Variants in EIF3A observed in about 807,000 individuals in gnomAD.
The protein encoded by EIF3A is EIF3, p180 subunit.
Under a neutral mutation model 186.6 loss-of-function variants are expected in EIF3A, and 21 were observed. The ratio of observed to expected loss-of-function variants is 0.11; its 90% confidence interval spans 0.08 to 0.16. The LOEUF is 0.16. Ranked by LOEUF, EIF3A falls within the 10% of genes least tolerant of loss-of-function variation. The pLI is 1.00. For missense variants in EIF3A, 1,306 were observed against 1,796.3 expected, an observed-to-expected ratio of 0.73 and a Z score of 4.93; for synonymous variants, 563 against 584.3, an observed-to-expected ratio of 0.96 and a Z score of 0.52.
intron 1 of EIF3A, among the ~76,000 whole-genome samples, chr10:119,075,956 G>A (rs1458437946): frequency 1.6e-5 from 2 of 125,214 alleles, no homozygotes; most frequent in Non-Finnish European, 1.6e-5. Context: ...TCAATCTCCT[G>A]ACCTCGTGAT....
At chr10:119,059,435 T>C (rs369647884) in intron 10 of EIF3A, 38 bp from the exon 11 acceptor site, 35 of 1,455,332 alleles carry the variant, frequency 2.4e-5, no homozygotes, top group South Asian at 2.1e-4. Context: ...AATCCACAAG[T>C]AAGCATGAAG....
intron 1 of EIF3A, among the ~76,000 whole-genome samples, chr10:119,079,587 G>A (rs7073301): frequency 0.91 from 136,145 of 149,120 alleles, 63,314 homozygotes; most frequent in South Asian, 1. Context: ...GGTTAGAGGG[G>A]AAAAAAAAAA....
In EIF3A at chr10:119,035,970, CAAGTATAAT is replaced by C; in HGVS notation, c.*60_*68del. 8.3e-7 allele frequency: 1 copy of C among 1,211,148 alleles called. No individual in the cohort carries two copies. The allele number at this position is 1,211,148 out of a possible 1,614,324, so 75.0% of individuals were successfully genotyped here. A position where few individuals can be genotyped will look rare whatever the true frequency, so the allele number is the denominator to read the frequency against. On this transcript the variant is annotated 3_prime_UTR_variant, in exon 22 of 22. Coordinates refer to ENST00000369144, the MANE Select transcript of EIF3A (RefSeq NM_003750.4). Reference sequence around the variant, plus strand: ...AATCCAATTTAGATTGGTTGAAGCACAAGTATAATAATCCTTGAATGTGATCAAACCTAT... The same window carrying C: ...AATCCAATTTAGATTGGTTGAAGCACAATCCTTGAATGTGATCAAACCTAT...
At chr10:119,046,941 G>T (rs1173420078) in intron 17 of EIF3A, among the ~76,000 whole-genome samples, 1 of 149,466 alleles carries the variant, frequency 6.7e-6, no homozygotes, top group Non-Finnish European at 1.5e-5. Flanking sequence ...CGGGCAAAAA[G>T]GGCAAAAAAA....
At chr10:119,062,691 C>A (rs765964296) in intron 7 of EIF3A, among the ~76,000 whole-genome samples, 1 of 150,976 alleles carries the variant, frequency 6.6e-6, no homozygotes, top group African/African-American at 2.4e-5. Context: ...AAATGTCTTT[C>A]GCTTCTGGGA....
intron 6 of EIF3A, 58 bp downstream of exon 6, chr10:119,069,388 A>G: frequency 1.1e-6 from 1 of 875,840 alleles, no homozygotes; most frequent in Non-Finnish European, 1.9e-6. Flanking sequence ...ATACCATGTC[A>G]TATAATAGAC....
intron 4 of EIF3A, among the ~76,000 whole-genome samples, chr10:119,072,566 C>A (rs1358333323): frequency 6.6e-6 from 1 of 152,166 alleles, no homozygotes; most frequent in East Asian, 1.9e-4. Context: ...GATCCTGCCA[C>A]CTCAGCCTCC....
chr10:119,068,618 C>T (rs1271130500), intron 6 of EIF3A, among the ~76,000 whole-genome samples: 4 of 151,594 alleles, frequency 2.6e-5, no homozygotes, highest in Non-Finnish European at 4.4e-5. Flanking sequence ...GGAGTGAGAT[C>T]GCATCATTGC....
chr10:119,070,842 C>G, intron 5 of EIF3A, 44 bp downstream of exon 5: 2 of 1,378,594 alleles, frequency 1.5e-6, no homozygotes, highest in Non-Finnish European at 2.1e-6. Flanking sequence ...AAAAGTAACA[C>G]AGACTATTAT....
At chr10:119,080,324 A>T in intron 1 of EIF3A, 1 of 985,420 alleles carries the variant, frequency 1.0e-6, no homozygotes, top group Non-Finnish European at 1.2e-6. Flanking sequence ...GGCAGCAAGG[A>T]GGGAGCTCCA....
At position 119,055,444 on chromosome 10, in the gene EIF3A, G is replaced by C. The variant is rs1848411883; in HGVS notation, c.2196+1296C>G. ...ATAATGAAAAAGTATTAAATACTTTGAGAATTACCAAAATGTGACAGAGAC... is the reference window on the plus strand; with the variant it reads ...ATAATGAAAAAGTATTAAATACTTTCAGAATTACCAAAATGTGACAGAGAC... On this transcript the variant is annotated intron_variant, in intron 14 of 21. Transcript: ENST00000369144. Among the ~76,000 whole-genome samples the C allele has an allele frequency of 2.0e-5, 3 of 152,192 alleles. No individual in the cohort carries two copies. The East Asian group carries it at 5.8e-4, about 29-fold the overall frequency.
Position 119,038,234 on chromosome 10 carries a change from A to G in EIF3A, c.3728+4T>C. ...CTACAAATAATTTAATTAGAGCATCACACCTAGGTCTTCTGAAGCGATCCT... is the reference window on the plus strand; with the variant it reads ...CTACAAATAATTTAATTAGAGCATCGCACCTAGGTCTTCTGAAGCGATCCT... On this transcript the variant is annotated splice_donor_region_variant and intron_variant, in intron 20 of 21. Coordinates refer to ENST00000369144, the MANE Select transcript of EIF3A (RefSeq NM_003750.4). The G allele has an allele frequency of 6.2e-7, 1 of 1,612,534 alleles. No homozygotes were observed. The highest frequency in any genetic ancestry group is 8.5e-7 in the Non-Finnish European group (1 of 1,179,040).
intron 19 of EIF3A, among the ~76,000 whole-genome samples, chr10:119,040,448 G>C (rs1848192699): frequency 6.6e-6 from 1 of 152,226 alleles, no homozygotes; most frequent in African/African-American, 2.4e-5. Context: ...GCGTGAACAA[G>C]TGCACGTGTA....
intron 6 of EIF3A, among the ~76,000 whole-genome samples, chr10:119,065,899 G>A (rs1015356440): frequency 3.3e-5 from 5 of 149,808 alleles, no homozygotes; most frequent in East Asian, 4.1e-4. Flanking sequence ...GGCACATCAC[G>A]ACGTCAAGAG....
intron 14 of EIF3A, among the ~76,000 whole-genome samples, chr10:119,054,489 C>T (rs1050538677): frequency 1.3e-5 from 2 of 149,650 alleles, no homozygotes; most frequent in African/African-American, 4.9e-5. Context: ...CCGAGATGAG[C>T]AGATCACCTG....
intron 17 of EIF3A, among the ~76,000 whole-genome samples, chr10:119,047,071 G>C (rs1160591469): frequency 2.6e-5 from 4 of 152,118 alleles, no homozygotes. Flanking sequence ...TTCAAGACCA[G>C]CCAGGCCAAC....
chr10:119,067,068 T>G (rs769477022), intron 6 of EIF3A, among the ~76,000 whole-genome samples: 13 of 151,358 alleles, frequency 8.6e-5, no homozygotes, highest in Non-Finnish European at 1.6e-4. Flanking sequence ...CAAAAAAAAT[T>G]AGCCAGGCGT....
In EIF3A at chr10:119,051,296, T is replaced by C; in HGVS notation, c.2222A>G (p.Glu741Gly). 6.2e-7 allele frequency: 1 copy of C among 1,605,198 alleles called. No homozygotes were observed. Among genetic ancestry groups the C allele is most frequent in the Non-Finnish European group, 8.5e-7 (1 of 1,177,366 alleles). ...ERITTMQLER[E>G]KALEHKNRMS... The stretch of plus-strand genomic sequence containing the variant: ...TCGATTCTTATGTTCAAGAGCCTTT[T>C]CACGTTCTAGCTGCATTGTAGTAAT... The change falls in exon 15 of 22, where the codon GAA becomes GGA. Residue 741 changes from glutamate to glycine, a missense_variant. Physicochemically the swap from Glu to Gly is moderately conservative, Grantham distance 98. Coordinates refer to ENST00000369144, the MANE Select transcript of EIF3A (RefSeq NM_003750.4).
At chr10:119,036,988 A>G in intron 21 of EIF3A, 131 bp downstream of exon 21, 1 of 712,160 alleles carries the variant, frequency 1.4e-6, no homozygotes, top group Non-Finnish European at 2.4e-6. Context: ...AAAATCATGA[A>G]TTCTAAATAG....
Sources: allele counts gnomAD v4.1 joint callset (sites outside exome capture counted in the v4.1 genomes callset), GRCh38; gene constraint gnomAD v4.1.1; transcripts MANE v1.5; gene names NCBI Gene and HGNC (gene_info 2026-07-23, HGNC 2026-07-21).